The following BANF2 variants were observed in gnomAD, a reference collection of about 807,000 sequenced individuals.
BANF2 encodes BANF family member 2.
A neutral mutation model predicts 8.0 loss-of-function variants in BANF2; 4 were observed. That is an observed-to-expected ratio of 0.50 (90% confidence interval 0.25 to 1.14). The LOEUF is 1.14. BANF2 is among the 50% of genes most tolerant of loss of function. The pLI, the probability that BANF2 is intolerant of heterozygous loss-of-function variation, is 0.16. For synonymous variants in BANF2, 50 were observed against 40.6 expected, an observed-to-expected ratio of 1.23 and a Z score of -0.88; for missense variants, 96 against 107.5, an observed-to-expected ratio of 0.89 and a Z score of 0.47.
At chr20:17,733,532 GTCTC>G (rs1168489781) in intron 3 of BANF2, among the ~76,000 whole-genome samples, 1 of 152,036 alleles carries the variant, frequency 6.6e-6, no homozygotes, top group Non-Finnish European at 1.5e-5. Flanking sequence ...ACAGCTCTAT[GTCTC>G]TCGTTTCTGT....
At chr20:17,709,450 T>C (rs948776367) in intron 1 of BANF2, among the ~76,000 whole-genome samples, 1 of 152,166 alleles carries the variant, frequency 6.6e-6, no homozygotes, top group South Asian at 2.1e-4. Context: ...AGGAGGTGAA[T>C]ACATGGCACG....
At position 17,735,712 on chromosome 20, in the gene BANF2, C is replaced by G; in HGVS notation, c.174C>G (p.Ala58=). Residue 58 remains alanine (A), a synonymous_variant, in exon 4 of 4, where the codon GCC becomes GCG. Coordinates refer to ENST00000246090, the MANE Select transcript of BANF2 (RefSeq NM_178477.5). ...TCCTTCTGATGCACAAGAATGAAGC[C>G]GAGTTTCAGAGGTGGCTCATTTGCT... is the stretch of plus-strand genomic sequence containing the variant. ...GQFLLMHKNE[A]EFQRWLICCF... The G allele has an allele frequency of 6.2e-7, 1 of 1,613,712 alleles. No individual in the cohort carries two copies. The highest frequency in any genetic ancestry group is 8.5e-7 in the Non-Finnish European group (1 of 1,179,712).
At position 17,694,588 on chromosome 20, in the gene BANF2, GTT is replaced by G. The variant is rs398088343; in HGVS notation, c.18+887_18+888del. Among the ~76,000 whole-genome samples, 527 of 67,772 alleles carry G rather than the reference GTT, an allele frequency of 7.8e-3. 2 individuals carry two copies. Among genetic ancestry groups the G allele is most frequent in the Non-Finnish European group, 0.013 (430 of 33,368 alleles). 44.5% of individuals were successfully genotyped at this position (67,772 alleles called of 152,430 possible). ...TTATAGTTTGCAGGGGGCTATTTTTGTTTTTTCTCTCTCTTTTTTTTTTTTTT... is the reference window on the plus strand; with the variant it reads ...TTATAGTTTGCAGGGGGCTATTTTTGTTTTCTCTCTCTTTTTTTTTTTTTT... On this transcript the variant is annotated intron_variant, in intron 1 of 2. Transcript: ENST00000545418.
At chr20:17,693,773 A>G (rs756410984) in intron 1 of BANF2, 101 of 1,521,216 alleles carry the variant, frequency 6.6e-5, no homozygotes, top group Non-Finnish European at 8.7e-5. Flanking sequence ...GGAGGCAAGG[A>G]CAAATCACCT....
upstream of BANF2, among the ~76,000 whole-genome samples, chr20:17,697,678 G>C (rs1353222306): frequency 1.3e-5 from 2 of 152,210 alleles, no homozygotes; most frequent in African/African-American, 2.4e-5. Flanking sequence ...GAGCGGGGAA[G>C]TGAGGCAGGG....
At chr20:17,724,694 G>T (rs2037778666) in intron 2 of BANF2, among the ~76,000 whole-genome samples, 1 of 152,184 alleles carries the variant, frequency 6.6e-6, no homozygotes, top group Admixed American at 6.5e-5. Flanking sequence ...GTAAGTTGTT[G>T]CTTTAGGCAT....
chr20:17,725,083 G>A lies in BANF2; in HGVS notation c.58G>A (p.Asp20Asn). The A allele has an allele frequency of 3.7e-6, 6 of 1,610,770 alleles. No homozygotes were observed. The highest frequency in any genetic ancestry group is 5.1e-6 in the Non-Finnish European group (6 of 1,176,896). ...CCTCTCCGAACCCATTGGAGAAAAG[G>A]ATGTCTGCTGGGTGGATGGCATCAG... ...AFLSEPIGEK[D>N]VCWVDGISHE... The change falls in exon 3 of 4, where the codon GAT (aspartate) becomes AAT (asparagine). Residue 20 changes from aspartate (D) to asparagine (N), a missense_variant. By Grantham distance (23) the Asp-to-Asn change is conservative (BLOSUM62 1). Coordinates refer to ENST00000246090, the MANE Select transcript of BANF2 (RefSeq NM_178477.5).
intron 1 of BANF2, among the ~76,000 whole-genome samples, chr20:17,710,743 C>T (rs1195114529): frequency 6.6e-6 from 1 of 152,208 alleles, no homozygotes; most frequent in Non-Finnish European, 1.5e-5. Context: ...CCTTTAGCTT[C>T]GAGCCTCGTC....
intron 1 of BANF2, among the ~76,000 whole-genome samples, chr20:17,694,601 CTTTTTT>C (rs869067650): frequency 1.5e-4 from 4 of 26,734 alleles, no homozygotes; most frequent in Admixed American, 1.2e-3. Context: ...TTTTCTCTCT[CTTTTTT>C]TTTTTTTTTT....
chr20:17,694,152 G>A (rs2037322715), intron 1 of BANF2, among the ~76,000 whole-genome samples: 1 of 152,240 alleles, frequency 6.6e-6, no homozygotes, highest in Non-Finnish European at 1.5e-5. Flanking sequence ...TGGACATACA[G>A]CAGTGAACAA....
intron 1 of BANF2, among the ~76,000 whole-genome samples, chr20:17,702,523 G>A (rs1262537297): frequency 6.6e-6 from 1 of 152,178 alleles, no homozygotes; most frequent in African/African-American, 2.4e-5. Context: ...AAATGAGGTT[G>A]CAAAGAAGTC....
intron 2 of BANF2, among the ~76,000 whole-genome samples, chr20:17,723,476 C>T (rs1383772769): frequency 1.3e-5 from 2 of 152,208 alleles, no homozygotes; most frequent in African/African-American, 4.8e-5. Context: ...CCTTGCTCAA[C>T]CTACGTCTGA....
intron 1 of BANF2, among the ~76,000 whole-genome samples, chr20:17,714,129 AGAGATTGTAGTGAGCC>A (rs2122600622): frequency 6.8e-6 from 1 of 146,956 alleles, no homozygotes; most frequent in South Asian, 2.2e-4. Flanking sequence ...CCCGGGAGGC[AGAGATTGTAGTGAGCC>A]GAGATTGTAC....
chr20:17,734,686 A>G (rs993070396), intron 3 of BANF2, among the ~76,000 whole-genome samples: 4 of 152,208 alleles, frequency 2.6e-5, no homozygotes, highest in Non-Finnish European at 5.9e-5. Flanking sequence ...GGAGGGTGCC[A>G]CCGGCATGCG....
At chr20:17,698,697 G>T (rs6044959), upstream of BANF2, among the ~76,000 whole-genome samples, 101 of 152,356 alleles carry the variant, frequency 6.6e-4, 2 homozygotes, top group Non-Finnish European at 1.2e-4. Flanking sequence ...CTGGGAGTCA[G>T]ATTACCTTTG....
At chr20:17,702,984 G>C (rs6080789) in intron 1 of BANF2, among the ~76,000 whole-genome samples, 28,759 of 152,118 alleles carry the variant, frequency 0.19, 3,159 homozygotes, top group African/African-American at 0.31. Context: ...GCTGCTCTGG[G>C]CCCTGCTGAC....
intron 1 of BANF2, among the ~76,000 whole-genome samples, chr20:17,713,224 T>C (rs1010665381): frequency 6.6e-6 from 1 of 151,838 alleles, no homozygotes; most frequent in African/African-American, 2.4e-5. Context: ...CACTCCGGCC[T>C]GGTGATGAGC....
At chr20:17,708,067 A>C (rs1310557264) in intron 1 of BANF2, among the ~76,000 whole-genome samples, 126 of 148,774 alleles carry the variant, frequency 8.5e-4, no homozygotes, top group South Asian at 3.2e-3. Flanking sequence ...AAAAAAAAAA[A>C]CCAAAAAGAA....
At chr20:17,715,515 T>A (rs949580272) in intron 1 of BANF2, among the ~76,000 whole-genome samples, 2 of 152,250 alleles carry the variant, frequency 1.3e-5, no homozygotes, top group African/African-American at 4.8e-5. Flanking sequence ...AGAAAAAATC[T>A]TGTTCCCCAT....
Sources: allele counts gnomAD v4.1 joint callset (sites outside exome capture counted in the v4.1 genomes callset), GRCh38; gene constraint gnomAD v4.1.1; transcripts MANE v1.5; gene names NCBI Gene and HGNC (gene_info 2026-07-23, HGNC 2026-07-21).